The following UTP20 variants were observed in gnomAD, a reference collection of about 807,000 sequenced individuals.
The protein encoded by UTP20 is small subunit processome component 20 homolog.
In UTP20, 164 loss-of-function variants were observed where a neutral mutation model predicts 329.5. That is an observed-to-expected ratio of 0.50 (90% CI 0.44 to 0.57). The LOEUF (loss-of-function observed/expected upper bound fraction) is 0.57, where lower values mean the gene tolerates loss of function less well. Among genes scored for constraint, UTP20 ranks in the 20% least tolerant of loss-of-function variants. The pLI is 0.00. For missense variants in UTP20, 3,055 were observed against 3,284.2 expected (o/e 0.93, Z 1.71); for synonymous variants, 1,151 against 1,159.3 (o/e 0.99, Z 0.14).
At chr12:101,353,429 G>T (rs1045429637) in intron 40 of UTP20, among the ~76,000 whole-genome samples, 1 of 152,180 alleles carries the variant, frequency 6.6e-6, no homozygotes, top group African/African-American at 2.4e-5. Flanking sequence ...ACAATGAATG[G>T]AAAGAAAGTG....
intron 21 of UTP20, 117 bp from the exon 22 acceptor site, chr12:101,317,361 T>G (rs1335556126): frequency 3.6e-6 from 4 of 1,121,492 alleles, no homozygotes; most frequent in Non-Finnish European, 5.1e-6. Context: ...AAGGTACCAC[T>G]ATGTCTCTTC....
At position 101,380,509 on chromosome 12, in the gene UTP20, T is replaced by C. The variant is rs528563801; in HGVS notation, c.7585-631T>C. On this transcript the variant is annotated intron_variant, in intron 57 of 61. Coordinates refer to ENST00000261637, the MANE Select transcript of UTP20 (RefSeq NM_014503.3). ...CCATAAATATTGAATGAGTGGAGGG[T>C]AGAAGGGAAGAAAAGAGGAAGAAAA... Among the ~76,000 whole-genome samples, 42 of 151,556 alleles carry C rather than the reference T, an allele frequency of 2.8e-4. 1 individual carries two copies. In the South Asian group the frequency reaches 7.6e-3, roughly 27 times the overall value.
chr12:101,312,129 A>G lies in UTP20; in HGVS notation c.2405A>G (p.His802Arg). 1 of 1,614,250 alleles carries G rather than the reference A, an allele frequency of 6.2e-7. No homozygotes were observed. The highest frequency in any genetic ancestry group is 8.5e-7 in the Non-Finnish European group (1 of 1,180,042). ...GAAGGAGATGTTGGAGCTCTTTATC[A>G]TGAGCAGTTAGCATTGAAAACTGAC... The part of the protein sequence containing the change: ...TQEGDVGALY[H>R]EQLALKTDCQ... The change falls in exon 21 of 62, where the codon CAT (histidine) becomes CGT (arginine). Residue 802 changes from histidine (H) to arginine (R), a missense_variant. This residue lies in a region of UTP20 where 2,445 missense variants were observed against 2,575.5 expected (regional missense o/e 0.95). Coordinates refer to ENST00000261637, the MANE Select transcript of UTP20 (RefSeq NM_014503.3).
In UTP20 at chr12:101,332,776, T is replaced by C. The variant is rs1381401706; in HGVS notation, c.3418-525T>C. On this transcript the variant is annotated intron_variant, in intron 27 of 61. Coordinates refer to ENST00000261637, the MANE Select transcript of UTP20 (RefSeq NM_014503.3). ...ATGGAAAAATCATAAATTCCTTAAC[T>C]AGTCCCCTAGACTAATTTTAACAAG... Among the ~76,000 whole-genome samples, 3 of 152,180 alleles carry C rather than the reference T, an allele frequency of 2.0e-5. No homozygotes were observed. In the East Asian group the frequency reaches 5.8e-4, roughly 29 times the overall value.
chr12:101,312,297 A>C, intron 21 of UTP20, 21 bp downstream of exon 21: 2 of 1,612,330 alleles, frequency 1.2e-6, no homozygotes, highest in Middle Eastern at 1.7e-4. Flanking sequence ...TCTTCTAAGA[A>C]TATGTCCCTG....
At chr12:101,280,555 G>GATTA in intron 1 of UTP20, among the ~76,000 whole-genome samples, 1 of 152,194 alleles carries the variant, frequency 6.6e-6, no homozygotes, top group Non-Finnish European at 1.5e-5. Flanking sequence ...CCAGTCCTGG[G>GATTA]AATTTCCTGT....
chr12:101,298,634 C>G (rs373871966), intron 12 of UTP20, among the ~76,000 whole-genome samples: 48 of 152,076 alleles, frequency 3.2e-4, no homozygotes, highest in Non-Finnish European at 2.1e-4. Context: ...ACGGGAATGA[C>G]GTGGCAACTA....
chr12:101,332,178 A>T (rs1193705400), intron 27 of UTP20, among the ~76,000 whole-genome samples: 4 of 152,018 alleles, frequency 2.6e-5, no homozygotes, highest in Non-Finnish European at 4.4e-5. Flanking sequence ...TCTCTACTGA[A>T]AATACAAAAT....
chr12:101,322,135 G>A (rs1593432363), intron 25 of UTP20, among the ~76,000 whole-genome samples: 1 of 151,994 alleles, frequency 6.6e-6, no homozygotes, highest in Admixed American at 6.6e-5. Context: ...GATCACAAGC[G>A]TGCGCCACCA....
chr12:101,345,713 T>C lies in UTP20; in HGVS notation c.4746+19T>C, dbSNP rs1464502003. 1 of 1,598,716 alleles carries C rather than the reference T, an allele frequency of 6.3e-7. No homozygotes were observed. On this transcript the variant is annotated intron_variant, in intron 37 of 61. Transcript: ENST00000261637. ...CATTCAGGTAGAAGACAATTCTGCTTTTTCCTACCTACGACATAAGCATAC... is the reference window on the plus strand; with the variant it reads ...CATTCAGGTAGAAGACAATTCTGCTCTTTCCTACCTACGACATAAGCATAC...
At chr12:101,346,133 C>A (rs531121879) in intron 37 of UTP20, among the ~76,000 whole-genome samples, 1 of 152,072 alleles carries the variant, frequency 6.6e-6, no homozygotes, top group South Asian at 2.1e-4. Flanking sequence ...CTCACTGTAA[C>A]CTCCGCCTCC....
chr12:101,316,459 TTTAC>T (rs1184020622), intron 21 of UTP20, among the ~76,000 whole-genome samples: 1 of 152,216 alleles, frequency 6.6e-6, no homozygotes, highest in Non-Finnish European at 1.5e-5. Context: ...TTATAGAAAC[TTTAC>T]TTGTTTCATT....
At chr12:101,319,719 A>G (rs1438423601) in intron 23 of UTP20, 84 bp downstream of exon 23, 18 of 1,143,694 alleles carry the variant, frequency 1.6e-5, no homozygotes, top group Non-Finnish European at 2.1e-5. Context: ...TAGATTTTCA[A>G]TAATTGCTGA....
chr12:101,359,342 A>G (rs1869833032), intron 43 of UTP20, among the ~76,000 whole-genome samples: 1 of 152,162 alleles, frequency 6.6e-6, no homozygotes, highest in Admixed American at 6.5e-5. Flanking sequence ...CTGGGATTAC[A>G]GGCGTGAGCG....
chr12:101,382,163 A>G (rs1870668858), intron 58 of UTP20, among the ~76,000 whole-genome samples: 1 of 151,818 alleles, frequency 6.6e-6, no homozygotes, highest in African/African-American at 2.4e-5. Flanking sequence ...TCAGCACTTC[A>G]GGAGGCCGAG....
At chr12:101,310,161 T>A (rs891278203) in intron 19 of UTP20, among the ~76,000 whole-genome samples, 1 of 152,248 alleles carries the variant, frequency 6.6e-6, no homozygotes, top group Non-Finnish European at 1.5e-5. Flanking sequence ...AATTGCATAA[T>A]TTTATTTCTA....
In UTP20 at chr12:101,381,227, C is replaced by T; in HGVS notation, c.7656+16C>T. 6.2e-7 allele frequency: 1 copy of T among 1,607,878 alleles called. No individual in the cohort carries two copies. Among genetic ancestry groups the T allele is most frequent in the Non-Finnish European group, 8.5e-7 (1 of 1,174,362 alleles). ...AGGAGAACAGGTAAGAATTGTAGTTCTCCCAGTTTAAAAGAAGGGGCCGGC... is the reference window on the plus strand; with the variant it reads ...AGGAGAACAGGTAAGAATTGTAGTTTTCCCAGTTTAAAAGAAGGGGCCGGC... On this transcript the variant is annotated intron_variant, in intron 58 of 61. Coordinates refer to ENST00000261637, the MANE Select transcript of UTP20 (RefSeq NM_014503.3).
chr12:101,285,679 A>C, intron 3 of UTP20, 43 bp downstream of exon 3: 1 of 1,613,592 alleles, frequency 6.2e-7, no homozygotes, highest in Non-Finnish European at 8.5e-7. Flanking sequence ...CATAGTTTGC[A>C]CTTTATATGT....
rs1167511207 is a variant in UTP20 at position 101,285,856 on chromosome 12, A to C, written c.301A>C (p.Ser101Arg). The change falls in exon 4 of 62, where the codon AGT (serine) becomes CGT (arginine). Residue 101 changes from serine to arginine, a missense_variant. Ser to Arg is a moderately radical substitution (Grantham distance 110). Around this residue, in one of 3 missense-constraint regions of UTP20, gnomAD observed 2,445 missense variants for 2,575.5 expected, o/e 0.95. Coordinates refer to ENST00000261637, the MANE Select transcript of UTP20 (RefSeq NM_014503.3). ...GAAGACTCACCTGCAAGTTAAGAACAGTTTTGCCTATCAACCCCTTTTGGA... is the reference window on the plus strand; with the variant it reads ...GAAGACTCACCTGCAAGTTAAGAACCGTTTTGCCTATCAACCCCTTTTGGA... ...SLKTHLQVKN[S>R]FAYQPLLDLV... The C allele has an allele frequency of 2.5e-6, 4 of 1,613,718 alleles. No homozygotes were observed. In the African/African-American group the frequency reaches 5.3e-5, roughly 22 times the overall value.
Sources: allele counts gnomAD v4.1 joint callset (sites outside exome capture counted in the v4.1 genomes callset), GRCh38; gene constraint gnomAD v4.1.1; regional missense constraint gnomAD v4.1.1; transcripts MANE v1.5; gene names NCBI Gene and HGNC (gene_info 2026-07-23, HGNC 2026-07-21).